PREP: variants seen among roughly 807,000 people sequenced by gnomAD.
PREP encodes dJ355L5.1 (prolyl endopeptidase).
Under a neutral mutation model 87.6 loss-of-function variants are expected in PREP, and 29 were observed. The observed-to-expected ratio is 0.33, with a 90% CI of 0.25 to 0.45. The LOEUF (loss-of-function observed/expected upper bound fraction) is 0.45. PREP is among the 20% of genes least tolerant of loss of function. The pLI, the probability that PREP is intolerant of heterozygous loss-of-function variation, is 1.00. For missense variants in PREP, 695 were observed against 886.5 expected (o/e 0.78, Z 2.74); for synonymous variants, 337 against 328.6 (o/e 1.03, Z -0.28).
intron 2 of PREP, among the ~76,000 whole-genome samples, chr6:105,384,814 G>A (rs1001102435): frequency 3.3e-5 from 5 of 152,162 alleles, no homozygotes; most frequent in Admixed American, 3.3e-4. Flanking sequence ...ACACAGGAGT[G>A]GCTGCTGGAA....
intron 10 of PREP, among the ~76,000 whole-genome samples, chr6:105,293,677 C>T (rs114925291): frequency 0.064 from 9,745 of 151,616 alleles, 384 homozygotes; most frequent in African/African-American, 0.12. Context: ...AATATACATA[C>T]GTATAAATAT....
chr6:105,377,459 C>T lies in PREP; in HGVS notation c.181G>A (p.Gly61Ser). ...VPFLEQCPIRGLYKERMTELY... is the reference protein window; with the variant it reads ...VPFLEQCPIRSLYKERMTELY... ...TCAGTCATTCTCTCTTTGTATAAAC[C>T]TCTGATGGGACACTGCTCAAGAAAT... The change falls in exon 3 of 15, where the codon GGT (glycine) becomes AGT (serine). Residue 61 changes from glycine to serine, a missense_variant. Gly to Ser is a moderately conservative substitution (Grantham distance 56, BLOSUM62 0). This residue lies in a region of PREP where 517 missense variants were observed against 620.3 expected (regional missense o/e 0.83). Coordinates refer to ENST00000652536, the MANE Select transcript of PREP (RefSeq NM_002726.5). 6.2e-7 allele frequency: 1 copy of T among 1,613,558 alleles called. No homozygotes were observed. The highest frequency in any genetic ancestry group is 1.1e-5 in the South Asian group (1 of 91,060).
At chr6:105,399,626 C>T (rs572471433) in intron 1 of PREP, among the ~76,000 whole-genome samples, 1 of 152,294 alleles carries the variant, frequency 6.6e-6, no homozygotes, top group African/African-American at 2.4e-5. Context: ...TTGTCACCAC[C>T]GAACAACAGC....
intron 10 of PREP, among the ~76,000 whole-genome samples, chr6:105,314,759 T>C (rs1484627232): frequency 1.3e-5 from 2 of 152,192 alleles, no homozygotes; most frequent in African/African-American, 2.4e-5. Context: ...TGTTGATATT[T>C]TGACCTCCTC....
chr6:105,302,175 C>T (rs1770549722), intron 10 of PREP, among the ~76,000 whole-genome samples: 3 of 152,168 alleles, frequency 2.0e-5, no homozygotes, highest in South Asian at 4.1e-4. Flanking sequence ...CCCTGCTACA[C>T]GCGGAGGCCC....
chr6:105,374,407 G>C (rs1195432716), intron 4 of PREP, among the ~76,000 whole-genome samples: 1 of 151,804 alleles, frequency 6.6e-6, no homozygotes, highest in Non-Finnish European at 1.5e-5. Flanking sequence ...AACGTTATTG[G>C]GTAATGAAAA....
intron 6 of PREP, among the ~76,000 whole-genome samples, chr6:105,354,618 T>C (rs1170593455): frequency 2.0e-5 from 3 of 152,006 alleles, no homozygotes; most frequent in East Asian, 1.9e-4. Flanking sequence ...ATCCAATCAG[T>C]TGATGGCCTT....
chr6:105,367,786 T>G (rs1039280344), intron 6 of PREP, among the ~76,000 whole-genome samples: 1 of 152,192 alleles, frequency 6.6e-6, no homozygotes, highest in African/African-American at 2.4e-5. Flanking sequence ...AAGGTCTAGA[T>G]AGTCCATATT....
In PREP at chr6:105,397,935, A is replaced by T; in HGVS notation, c.46-8T>A. The T allele has an allele frequency of 6.3e-7, 1 of 1,593,420 alleles. No individual in the cohort carries two copies. The highest frequency in any genetic ancestry group is 1.1e-5 in the South Asian group (1 of 90,614). On this transcript the variant is annotated splice_polypyrimidine_tract_variant and splice_region_variant and intron_variant, in intron 1 of 14. Transcript: ENST00000652536. ...ACCATGATAATCCTGTACCTGTAAAAAACAAAATGAGGTATTAGATAATTA... is the reference window on the plus strand; with the variant it reads ...ACCATGATAATCCTGTACCTGTAAATAACAAAATGAGGTATTAGATAATTA...
At chr6:105,286,120 C>T (rs916165207) in intron 11 of PREP, among the ~76,000 whole-genome samples, 5 of 152,132 alleles carry the variant, frequency 3.3e-5, no homozygotes, top group African/African-American at 7.2e-5. Flanking sequence ...TATTTTTCTA[C>T]GTTGATAAAT....
intron 2 of PREP, among the ~76,000 whole-genome samples, chr6:105,379,299 C>T (rs904451247): frequency 8.5e-5 from 13 of 152,178 alleles, no homozygotes; most frequent in African/African-American, 3.1e-4. Context: ...TGGCTTGCAA[C>T]ATTTAAAATA....
chr6:105,340,457 A>C (rs913026112), intron 7 of PREP, among the ~76,000 whole-genome samples: 1 of 152,242 alleles, frequency 6.6e-6, no homozygotes, highest in Non-Finnish European at 1.5e-5. Flanking sequence ...TGTAAAGATC[A>C]TTGATATTAG....
intron 10 of PREP, among the ~76,000 whole-genome samples, chr6:105,296,943 A>C (rs1384551083): frequency 6.6e-6 from 1 of 152,156 alleles, no homozygotes; most frequent in Non-Finnish European, 1.5e-5. Flanking sequence ...CCATAGCCAG[A>C]CATGTGTTTC....
chr6:105,345,580 C>T (rs1302484824), intron 7 of PREP, among the ~76,000 whole-genome samples: 3 of 152,302 alleles, frequency 2.0e-5, no homozygotes, highest in Non-Finnish European at 4.4e-5. Context: ...TGCTTTTATA[C>T]TTTACAAAAA....
At chr6:105,360,750 G>C (rs926090955) in intron 6 of PREP, among the ~76,000 whole-genome samples, 5 of 152,190 alleles carry the variant, frequency 3.3e-5, no homozygotes, top group African/African-American at 9.7e-5. Flanking sequence ...AATTTAGAGG[G>C]ACAAGTAGCA....
chr6:105,284,059 A>G (rs1322647871), intron 12 of PREP, among the ~76,000 whole-genome samples: 1 of 152,212 alleles, frequency 6.6e-6, no homozygotes, highest in Non-Finnish European at 1.5e-5. Context: ...ATTAGCATAC[A>G]TATTTGGGAT....
intron 2 of PREP, among the ~76,000 whole-genome samples, chr6:105,391,289 C>T (rs1030505179): frequency 2.6e-5 from 4 of 152,012 alleles, no homozygotes; most frequent in Non-Finnish European, 2.9e-5. Context: ...GGCTGAGGCA[C>T]GAGAATCGCT....
At chr6:105,325,949 C>G (rs1239453899) in intron 9 of PREP, among the ~76,000 whole-genome samples, 1 of 152,054 alleles carries the variant, frequency 6.6e-6, no homozygotes, top group Non-Finnish European at 1.5e-5. Flanking sequence ...CCAGTGTAAT[C>G]TGAAATAAAT....
At chr6:105,350,400 C>T (rs886297285) in intron 7 of PREP, among the ~76,000 whole-genome samples, 7 of 151,850 alleles carry the variant, frequency 4.6e-5, no homozygotes, top group South Asian at 2.1e-4. Flanking sequence ...TATTTAGTGG[C>T]GGAGCTGAGA....
Sources: gnomAD v4.1 joint callset for allele counts (sites outside exome capture counted in the v4.1 genomes callset) on GRCh38, gnomAD v4.1.1 for gene constraint, gnomAD v4.1.1 regional missense constraint, MANE v1.5 for transcripts, NCBI Gene and HGNC (gene_info 2026-07-23, HGNC 2026-07-21) for gene names.